Variants in PRRX2 observed in about 807,000 individuals in gnomAD.
The protein encoded by PRRX2 is paired mesoderm homeobox protein 2.
PRRX2 carries 11 observed loss-of-function variants against 18.0 expected under a neutral mutation model. The ratio of observed to expected loss-of-function variants is 0.61; its 90% confidence interval spans 0.39 to 1.01. The LOEUF (loss-of-function observed/expected upper bound fraction) is 1.01. PRRX2 is among the 50% of genes least tolerant of loss of function. The pLI, the probability that PRRX2 is intolerant of heterozygous loss-of-function variation, is 0.01. For missense variants in PRRX2, 387 were observed against 351.0 expected, an observed-to-expected ratio of 1.10 and a Z score of -0.82; for synonymous variants, 177 against 154.8, an observed-to-expected ratio of 1.14 and a Z score of -1.06.
At chr9:129,704,878 A>T (rs550998422) in intron 1 of PRRX2, among the ~76,000 whole-genome samples, 1 of 152,256 alleles carries the variant, frequency 6.6e-6, no homozygotes, top group East Asian at 1.9e-4. Flanking sequence ...GGGCTTTAGG[A>T]GGCCCAGGAG....
At chr9:129,673,652 CCACACACACACACACA>C (rs3054761) in intron 1 of PRRX2, among the ~76,000 whole-genome samples, 1 of 149,222 alleles carries the variant, frequency 6.7e-6, no homozygotes, top group African/African-American at 2.5e-5. Flanking sequence ...ACCCCCCATG[CCACACACACACACACA>C]CACACACACA....
At chr9:129,683,324 G>A (rs1832257272) in intron 1 of PRRX2, among the ~76,000 whole-genome samples, 1 of 152,222 alleles carries the variant, frequency 6.6e-6, no homozygotes, top group Non-Finnish European at 1.5e-5. Context: ...CCATTTTAGA[G>A]ATGAGAAACA....
chr9:129,706,466 G>A (rs1267904400), intron 1 of PRRX2, among the ~76,000 whole-genome samples: 1 of 152,174 alleles, frequency 6.6e-6, no homozygotes, highest in Non-Finnish European at 1.5e-5. Context: ...GGGAGGCTGA[G>A]GCAAGAGAAT....
At chr9:129,699,332 G>C (rs1016965104) in intron 1 of PRRX2, among the ~76,000 whole-genome samples, 4 of 152,184 alleles carry the variant, frequency 2.6e-5, no homozygotes, top group African/African-American at 9.7e-5. Flanking sequence ...GCTGAGGTGG[G>C]AGAAACACTT....
intron 1 of PRRX2, among the ~76,000 whole-genome samples, chr9:129,668,796 A>AG (rs1192901196): frequency 6.6e-6 from 1 of 150,684 alleles, no homozygotes; most frequent in African/African-American, 2.4e-5. Flanking sequence ...AAAAAAAAAA[A>AG]AAGAAAGAAA....
At chr9:129,674,419 T>C (rs2119053704) in intron 1 of PRRX2, among the ~76,000 whole-genome samples, 1 of 151,898 alleles carries the variant, frequency 6.6e-6, no homozygotes, top group South Asian at 2.1e-4. Context: ...TTGGGGGCGG[T>C]AGGAGGGGCT....
At chr9:129,713,564 G>A (rs1333470091) in intron 1 of PRRX2, among the ~76,000 whole-genome samples, 1 of 152,168 alleles carries the variant, frequency 6.6e-6, no homozygotes, top group Non-Finnish European at 1.5e-5. Flanking sequence ...AGGAGGCCCC[G>A]TGAAGAGGGG....
chr9:129,697,402 A>G lies in PRRX2; in HGVS notation c.260-21829A>G, dbSNP rs1218060705. The stretch of plus-strand genomic sequence containing the variant: ...GCAGCTGGGCGGCGGCGGCGCGGGC[A>G]GCGCGGGGCTGGGCGCGGGATCTAT... On this transcript the variant is annotated intron_variant, in intron 1 of 3. Transcript: ENST00000372469. Among the ~76,000 whole-genome samples, 5 of 151,604 alleles carry G rather than the reference A, an allele frequency of 3.3e-5. No homozygotes were observed. In the East Asian group the frequency reaches 9.8e-4, roughly 30 times the overall value.
At chr9:129,683,462 G>A (rs1357291855) in intron 1 of PRRX2, among the ~76,000 whole-genome samples, 3 of 152,028 alleles carry the variant, frequency 2.0e-5, no homozygotes, top group African/African-American at 4.8e-5. Context: ...GAGGCCGGGC[G>A]CGGTGGCTCA....
In PRRX2 at chr9:129,675,678, G is replaced by A. The variant is rs1286695403; in HGVS notation, c.259+9552G>A. On this transcript the variant is annotated intron_variant, in intron 1 of 3. Transcript: ENST00000372469. The surrounding 1 kb of genome is among the most constrained non-coding windows in gnomAD (Gnocchi z 4.4). ...CCCCTCGCTGGCCTCCCTTCTTGCC[G>A]TGGGCGCAGACGTTTACACGCCAGA... Among the ~76,000 whole-genome samples the A allele has an allele frequency of 4.1e-5, 6 of 145,980 alleles. 1 individual carries two copies. The highest frequency in any genetic ancestry group is 4.2e-4 in the South Asian group (2 of 4,756).
chr9:129,683,866 A>G (rs1291180443), intron 1 of PRRX2, among the ~76,000 whole-genome samples: 1 of 152,176 alleles, frequency 6.6e-6, no homozygotes, highest in Non-Finnish European at 1.5e-5. Context: ...CACAGCCAGC[A>G]CCTGCAGAGG....
chr9:129,684,447 C>T (rs1832271901), intron 1 of PRRX2, among the ~76,000 whole-genome samples: 1 of 148,862 alleles, frequency 6.7e-6, no homozygotes, highest in African/African-American at 2.5e-5. Flanking sequence ...CACACACACA[C>T]ACACACACAC....
At position 129,709,750 on chromosome 9, in the gene PRRX2, G is replaced by T. The variant is rs1006943231; in HGVS notation, c.260-9481G>T. On this transcript the variant is annotated intron_variant, in intron 1 of 3. Coordinates refer to ENST00000372469, the MANE Select transcript of PRRX2 (RefSeq NM_016307.4). The surrounding 1 kb of genome is among the most constrained non-coding windows in gnomAD (Gnocchi z 4.2). ...ACATTCTTAAAAGTGTGGCAGGGCA[G>T]TGGCTGGTGGTGGCCGGCCTCCCCC... Among the ~76,000 whole-genome samples, 1 of 152,200 alleles carries T rather than the reference G, an allele frequency of 6.6e-6. No homozygotes were observed. Among genetic ancestry groups the T allele is most frequent in the South Asian group, 2.1e-4 (1 of 4,834 alleles).
At chr9:129,707,044 T>G (rs994459080) in intron 1 of PRRX2, among the ~76,000 whole-genome samples, 15 of 152,114 alleles carry the variant, frequency 9.9e-5, no homozygotes, top group Non-Finnish European at 1.8e-4. Context: ...TCACTTGAGG[T>G]CAAGAGTTCG....
intron 1 of PRRX2, among the ~76,000 whole-genome samples, chr9:129,693,904 T>C: frequency 6.6e-6 from 1 of 152,192 alleles, no homozygotes; most frequent in Non-Finnish European, 1.5e-5. Context: ...CAAGGGATGG[T>C]AAGACGATGC....
chr9:129,695,342 C>G lies in PRRX2; in HGVS notation c.260-23889C>G, dbSNP rs901688852. ...TTCTGTGACCTGAAATTGCCACCAG[C>G]TGTCTTTAGCCCCAGAGGAAACTGT... On this transcript the variant is annotated intron_variant, in intron 1 of 3. Transcript: ENST00000372469. This position sits in a 1 kb window ranked among gnomAD's most constrained non-coding sequence, Gnocchi z 4.8. Among the ~76,000 whole-genome samples, 1 of 152,242 alleles carries G rather than the reference C, an allele frequency of 6.6e-6. No individual in the cohort carries two copies. The highest frequency in any genetic ancestry group is 6.5e-5 in the Admixed American group (1 of 15,288).
chr9:129,717,882 A>C lies in PRRX2; in HGVS notation c.260-1349A>C, dbSNP rs1832733648. Reference sequence around the variant, plus strand: ...AATGAGAAAAAATCAGATACAAAAGAAGTGCTGAACCGGCAGCATTAGTTG... The same window carrying C: ...AATGAGAAAAAATCAGATACAAAAGCAGTGCTGAACCGGCAGCATTAGTTG... On this transcript the variant is annotated intron_variant, in intron 1 of 3. Coordinates refer to ENST00000372469, the MANE Select transcript of PRRX2 (RefSeq NM_016307.4). Among the ~76,000 whole-genome samples the C allele has an allele frequency of 2.6e-5, 4 of 152,222 alleles. 1 individual carries two copies. Among genetic ancestry groups the C allele is most frequent in the Middle Eastern group, 3.4e-3 (1 of 292 alleles).
At chr9:129,684,427 A>AACACACACACAC (rs72324782) in intron 1 of PRRX2, among the ~76,000 whole-genome samples, 28 of 83,010 alleles carry the variant, frequency 3.4e-4, no homozygotes, top group Admixed American at 8.9e-4. Flanking sequence ...ACACAGATAC[A>AACACACACACAC]ACACACACAC....
chr9:129,722,609 G>A lies in PRRX2; in HGVS notation c.*257G>A, dbSNP rs1588179481. On this transcript the variant is annotated 3_prime_UTR_variant, in exon 4 of 4. Transcript: ENST00000372469. The stretch of plus-strand genomic sequence containing the variant: ...AAGAGCCTGCCAAGGACCTCATTTA[G>A]TTTGTGTATTAAAACCAAAAAGCTT... 1 of 376,150 alleles carries A rather than the reference G, an allele frequency of 2.7e-6. No homozygotes were observed. The highest frequency in any genetic ancestry group is 2.1e-5 in the African/African-American group (1 of 48,218). 23.3% of individuals were successfully genotyped at this position (376,150 alleles called of 1,614,324 possible). A position where few individuals can be genotyped will look rare whatever the true frequency, so the allele number is the denominator to read the frequency against.
Sources: allele counts gnomAD v4.1 joint callset (sites outside exome capture counted in the v4.1 genomes callset), GRCh38; gene constraint gnomAD v4.1.1; non-coding constraint Gnocchi (gnomAD v3.1); transcripts MANE v1.5; gene names NCBI Gene and HGNC (gene_info 2026-07-23, HGNC 2026-07-21).